Variants in EFR3A observed in about 807,000 individuals in gnomAD.
EFR3A encodes EFR3 homolog A.
A neutral mutation model predicts 104.4 loss-of-function variants in EFR3A; 76 were observed. The ratio of observed to expected loss-of-function variants is 0.73; its 90% confidence interval spans 0.60 to 0.88. The LOEUF is 0.88. Ranked by LOEUF, EFR3A falls within the 40% of genes least tolerant of loss-of-function variation. The pLI, the probability that EFR3A is intolerant of heterozygous loss-of-function variation, is 0.00. For missense variants in EFR3A, 985 were observed against 1,012.5 expected (o/e 0.97, Z 0.37); for synonymous variants, 330 against 330.0 (o/e 1.00, Z 0.00).
intron 4 of EFR3A, among the ~76,000 whole-genome samples, chr8:131,948,149 A>G (rs1045335842): frequency 2.0e-5 from 3 of 152,006 alleles, no homozygotes; most frequent in Non-Finnish European, 2.9e-5. Flanking sequence ...ATTACCTGCT[A>G]TTGTTTATGG....
At chr8:131,983,790 G>A (rs992759552) in intron 14 of EFR3A, among the ~76,000 whole-genome samples, 5 of 152,124 alleles carry the variant, frequency 3.3e-5, no homozygotes, top group Non-Finnish European at 5.9e-5. Context: ...TTGCCAAAGT[G>A]TCTCAGGATT....
intron 8 of EFR3A, among the ~76,000 whole-genome samples, chr8:131,965,322 C>T (rs551418607): frequency 3.3e-5 from 5 of 152,056 alleles, no homozygotes; most frequent in South Asian, 4.2e-4. Flanking sequence ...ACTCATCTGA[C>T]GAAGGGCTAA....
intron 22 of EFR3A, among the ~76,000 whole-genome samples, chr8:132,010,366 A>G (rs1822266817): frequency 6.9e-6 from 1 of 145,346 alleles, no homozygotes; most frequent in Non-Finnish European, 1.5e-5. Context: ...GAAAAAATGA[A>G]AATGAACCTG....
At chr8:131,959,961 T>C (rs1010894353) in intron 8 of EFR3A, among the ~76,000 whole-genome samples, 17 of 152,332 alleles carry the variant, frequency 1.1e-4, no homozygotes, top group Non-Finnish European at 2.1e-4. Context: ...TGTTGTCTTT[T>C]AGGGGTTCCG....
intron 17 of EFR3A, among the ~76,000 whole-genome samples, chr8:131,986,789 CAA>C (rs10569128): frequency 1.5e-4 from 10 of 67,966 alleles, no homozygotes; most frequent in Admixed American, 1.6e-4. Flanking sequence ...GACTCCATCT[CAA>C]AAAAAAAAAA....
intron 22 of EFR3A, among the ~76,000 whole-genome samples, chr8:132,008,894 A>G (rs994547684): frequency 1.4e-5 from 2 of 145,070 alleles, no homozygotes; most frequent in Non-Finnish European, 3.0e-5. Context: ...CATTATCTCT[A>G]TTGGGCTGTG....
intron 17 of EFR3A, among the ~76,000 whole-genome samples, chr8:131,986,483 T>C (rs977465541): frequency 1.3e-5 from 2 of 152,008 alleles, no homozygotes; most frequent in African/African-American, 4.8e-5. Context: ...CTTGAAAAAA[T>C]TTTTTAAGAA....
Position 131,985,068 on chromosome 8 carries a change from A to G in EFR3A, c.1869+8A>G. On this transcript the variant is annotated splice_region_variant and intron_variant, in intron 16 of 22. Transcript: ENST00000254624. The stretch of plus-strand genomic sequence containing the variant: ...TGCCAGCATGTTAGCAAGGTAATGT[A>G]TTTAGAAAAGTCCTTAAACTTGAAT... 1.2e-6 allele frequency: 2 copies of G among 1,606,340 alleles called. No individual in the cohort carries two copies. Among genetic ancestry groups the G allele is most frequent in the East Asian group, 2.2e-5 (1 of 44,750 alleles).
intron 8 of EFR3A, among the ~76,000 whole-genome samples, chr8:131,962,834 G>A (rs1819455459): frequency 6.6e-6 from 1 of 152,146 alleles, no homozygotes; most frequent in African/African-American, 2.4e-5. Context: ...GCACTCCTCA[G>A]CAAATGTAAA....
chr8:131,924,087 A>G, intron 1 of EFR3A: 1 of 439,066 alleles, frequency 2.3e-6, no homozygotes, highest in South Asian at 1.6e-5. Context: ...GATATTTCTT[A>G]GGTCATAAAA....
chr8:131,951,113 C>G (rs1818680036), intron 5 of EFR3A, among the ~76,000 whole-genome samples: 1 of 151,978 alleles, frequency 6.6e-6, no homozygotes, highest in Non-Finnish European at 1.5e-5. Flanking sequence ...AGAAATATAA[C>G]TAGGTTTTAG....
At chr8:131,940,412 G>T (rs971821665) in intron 1 of EFR3A, 87 bp from the exon 2 acceptor site, 5 of 1,220,046 alleles carry the variant, frequency 4.1e-6, no homozygotes, top group East Asian at 2.5e-5. Context: ...ATTTTATATA[G>T]CCCATTAATA....
At chr8:131,924,470 G>A (rs1817201710) in intron 1 of EFR3A, among the ~76,000 whole-genome samples, 1 of 152,080 alleles carries the variant, frequency 6.6e-6, no homozygotes, top group African/African-American at 2.4e-5. Context: ...GTTGTCTAAA[G>A]TTTTGAGGAG....
chr8:131,925,628 T>C (rs1817258741), intron 1 of EFR3A, among the ~76,000 whole-genome samples: 1 of 152,082 alleles, frequency 6.6e-6, no homozygotes, highest in Non-Finnish European at 1.5e-5. Flanking sequence ...TTCTTAGTAA[T>C]ATGTTTCCTG....
chr8:131,972,257 T>TG (rs1252751793), intron 10 of EFR3A, among the ~76,000 whole-genome samples: 1 of 3,550 alleles, frequency 2.8e-4, no homozygotes, highest in Non-Finnish European at 4.4e-4. Context: ...TCCCTGAACC[T>TG]TTTTTTTTTT....
At chr8:132,001,268 T>C (rs1189299557) in intron 19 of EFR3A, among the ~76,000 whole-genome samples, 3 of 152,222 alleles carry the variant, frequency 2.0e-5, no homozygotes, top group Non-Finnish European at 4.4e-5. Context: ...TCATTTAAAA[T>C]CTTAGTTTTC....
chr8:131,928,230 C>T (rs1817402116), intron 1 of EFR3A, among the ~76,000 whole-genome samples: 2 of 152,008 alleles, frequency 1.3e-5, no homozygotes, highest in Admixed American at 6.6e-5. Flanking sequence ...ACTTCTGTTA[C>T]TGTGTGTATT....
intron 10 of EFR3A, among the ~76,000 whole-genome samples, chr8:131,975,262 C>T (rs544554513): frequency 6.6e-6 from 1 of 152,168 alleles, no homozygotes; most frequent in East Asian, 1.9e-4. Flanking sequence ...TTTGAGAAAT[C>T]CTGGAAAACC....
intron 18 of EFR3A, among the ~76,000 whole-genome samples, chr8:131,994,894 C>T (rs1328939344): frequency 2.0e-5 from 3 of 152,142 alleles, no homozygotes; most frequent in Non-Finnish European, 4.4e-5. Context: ...TACCTGGGAA[C>T]TCTTTGAGAG....
Sources: gnomAD v4.1 joint callset for allele counts (sites outside exome capture counted in the v4.1 genomes callset) on GRCh38, gnomAD v4.1.1 for gene constraint, MANE v1.5 for transcripts, NCBI Gene and HGNC (gene_info 2026-07-23, HGNC 2026-07-21) for gene names.